ZNF682: variants seen among roughly 807,000 people sequenced by gnomAD.
ZNF682 encodes zinc finger protein 682.
ZNF682 carries 29 observed loss-of-function variants against 36.5 expected under a neutral mutation model. That is an observed-to-expected ratio of 0.80 (90% CI 0.59 to 1.08). The LOEUF (loss-of-function observed/expected upper bound fraction) is 1.08. Ranked by LOEUF, ZNF682 falls within the 50% of genes least tolerant of loss-of-function variation. The pLI, the probability that ZNF682 is intolerant of heterozygous loss-of-function variation, is 0.00. For missense variants in ZNF682, 561 were observed against 579.7 expected (o/e 0.97, Z 0.33); for synonymous variants, 180 against 197.0 (o/e 0.91, Z 0.72).
chr19:20,022,389 C>T (rs1171998434), intron 3 of ZNF682, among the ~76,000 whole-genome samples: 3 of 150,604 alleles, frequency 2.0e-5, no homozygotes, highest in Admixed American at 6.6e-5. Flanking sequence ...GTTTAAAGGC[C>T]GGGCATGGTG....
chr19:20,036,145 C>G (rs956292549), intron 1 of ZNF682, among the ~76,000 whole-genome samples: 1 of 152,188 alleles, frequency 6.6e-6, no homozygotes, highest in African/African-American at 2.4e-5. Context: ...AGAGCGTACT[C>G]TGAGCTGGTC....
chr19:20,012,473 T>C (rs1407989036), intron 3 of ZNF682, among the ~76,000 whole-genome samples: 1 of 152,012 alleles, frequency 6.6e-6, no homozygotes, highest in Non-Finnish European at 1.5e-5. Context: ...CAATCTATAA[T>C]AAATTTAAAT....
chr19:20,026,953 T>G (rs117737741), intron 1 of ZNF682, among the ~76,000 whole-genome samples: 1,790 of 152,236 alleles, frequency 0.012, 17 homozygotes, highest in South Asian at 0.032. Context: ...GGAAAAAAAG[T>G]ATCTAAAACA....
chr19:19,997,634 T>C (rs1371455643), intron 3 of ZNF682, among the ~76,000 whole-genome samples: 3 of 152,148 alleles, frequency 2.0e-5, no homozygotes, highest in Non-Finnish European at 2.9e-5. Context: ...AGAAAACAGT[T>C]TCCCTGGATG....
chr19:20,023,164 T>C, intron 2 of ZNF682, 65 bp from the exon 3 acceptor site: 1 of 1,410,468 alleles, frequency 7.1e-7, no homozygotes. Flanking sequence ...CCTAGTGTTG[T>C]GCTCTGTAGA....
chr19:20,006,313 A>C lies in ZNF682; in HGVS notation c.1189T>G (p.Tyr397Asp), dbSNP rs754593292. 32 of 1,613,524 alleles carry C rather than the reference A, an allele frequency of 2.0e-5. No individual in the cohort carries two copies. Among genetic ancestry groups the C allele is most frequent in the Non-Finnish European group, 2.5e-5 (30 of 1,180,016 alleles). ...HKRIHTGEKP[Y>D]KCEECGKAFN... ...GCTTTGCCACATTCTTCACATTTGT[A>C]GGGTTTCTCTCCAGTGTGAATTCTC... Residue 397 changes from tyrosine to aspartate, a missense_variant, in exon 4 of 4, where the codon TAC becomes GAC. By Grantham distance (160) the Tyr-to-Asp change is radical. Coordinates refer to ENST00000397165, the MANE Select transcript of ZNF682 (RefSeq NM_033196.3).
At chr19:20,012,298 T>C (rs1036877209) in intron 3 of ZNF682, among the ~76,000 whole-genome samples, 12 of 152,042 alleles carry the variant, frequency 7.9e-5, no homozygotes, top group South Asian at 2.1e-4. Flanking sequence ...AAAATAAATT[T>C]TTCTGAAAGA....
Position 19,997,251 on chromosome 19 carries a change from A to G in ZNF682, c.239T>C (p.Val80Ala), listed in dbSNP as rs539891325. 1.1e-4 allele frequency: 43 copies of G among 398,568 alleles called. No individual in the cohort carries two copies. The East Asian group carries it at 1.5e-3, about 14-fold the overall frequency. 24.7% of individuals were successfully genotyped at this position (398,568 alleles called of 1,614,324 possible). The stretch of plus-strand genomic sequence containing the variant: ...GACAGGACTGGGGTCCTACTGTCCA[A>G]CTCTGTAGGTACCTGAAATGGAAAT... The change falls in exon 4 of 4, where the codon GTT becomes GCT. Residue 80 changes from valine (V) to alanine (A), a missense_variant. Physicochemically the swap from Val to Ala is moderately conservative, Grantham distance 64 (BLOSUM62 0). Transcript: ENST00000596019.
In ZNF682 at chr19:20,029,544, C is replaced by T. The variant is rs748174986; in HGVS notation, c.4-5168G>A. On this transcript the variant is annotated intron_variant, in intron 1 of 3. Transcript: ENST00000397165. ...TGAACTTGGGAGGCAGAGGTTGCAG[C>T]GAGCAGAAATCATACCACTGCACTC... is the stretch of plus-strand genomic sequence containing the variant. 7.7e-4 allele frequency among the ~76,000 whole-genome samples: 113 copies of T among 147,046 alleles called. 1 individual carries two copies. Among genetic ancestry groups the T allele is most frequent in the Non-Finnish European group, 9.4e-4 (63 of 67,314 alleles).
intron 1 of ZNF682, among the ~76,000 whole-genome samples, chr19:20,035,830 G>T (rs1359410892): frequency 1.3e-5 from 2 of 151,728 alleles, no homozygotes; most frequent in Non-Finnish European, 2.9e-5. Context: ...CTGCCTCCCA[G>T]GTTCAGGCAA....
At chr19:19,996,958 C>T (rs1220295773), downstream of ZNF682, 2 of 340,080 alleles carry the variant, frequency 5.9e-6, no homozygotes, top group African/African-American at 4.2e-5. Context: ...ATTTTTGTCT[C>T]CATATTCTCA....
At chr19:20,039,206 G>T in intron 1 of ZNF682, 137 bp downstream of exon 1, 1 of 1,443,122 alleles carries the variant, frequency 6.9e-7, no homozygotes, top group South Asian at 1.4e-5. Flanking sequence ...ATCGACGGCC[G>T]AGCTGTGCCT....
In ZNF682 at chr19:20,039,103, G is replaced by T. The variant is rs2088560392; in HGVS notation, c.3+240C>A. The T allele has an allele frequency of 2.3e-5, 32 of 1,382,224 alleles. No individual in the cohort carries two copies. In the South Asian group the frequency reaches 4.7e-4, roughly 20 times the overall value. 85.6% of individuals were successfully genotyped at this position (1,382,224 alleles called of 1,614,324 possible). A position where few individuals can be genotyped will look rare whatever the true frequency, so the allele number is the denominator to read the frequency against. On this transcript the variant is annotated intron_variant, in intron 1 of 3. Coordinates refer to ENST00000397165, the MANE Select transcript of ZNF682 (RefSeq NM_033196.3). ...GCAAGAACGCGCGCGGCTCTTCCCA[G>T]GGTGGGCTCCGGGCGGGAAGCGGGA...
At chr19:20,027,063 G>A (rs533053711) in intron 1 of ZNF682, among the ~76,000 whole-genome samples, 3 of 152,228 alleles carry the variant, frequency 2.0e-5, no homozygotes, top group Non-Finnish European at 4.4e-5. Context: ...CCCTGAGCTG[G>A]GACACATTCA....
chr19:20,037,803 G>A (rs2088545907), intron 1 of ZNF682, among the ~76,000 whole-genome samples: 1 of 152,116 alleles, frequency 6.6e-6, no homozygotes, highest in Non-Finnish European at 1.5e-5. Context: ...CAAATTGCCT[G>A]GCCAGCACTG....
rs1209040762 is a variant in ZNF682, at chr19:20,039,497, G to C, written c.-152C>G. The C allele has an allele frequency of 9.5e-7, 1 of 1,048,624 alleles. No individual in the cohort carries two copies. Among genetic ancestry groups the C allele is most frequent in the Non-Finnish European group, 1.4e-6 (1 of 740,082 alleles). The allele number at this position is 1,048,624 out of a possible 1,614,324, so 65.0% of individuals were successfully genotyped here. A position where few individuals can be genotyped will look rare whatever the true frequency, so the allele number is the denominator to read the frequency against. On this transcript the variant is annotated 5_prime_UTR_variant, in exon 1 of 4. Coordinates refer to ENST00000397165, the MANE Select transcript of ZNF682 (RefSeq NM_033196.3). ...GGACCCTGAGCTCTGGCTGGAGCGAGACAAAGGCCCCGCCAGCTCCAGGAC... is the reference window on the plus strand; with the variant it reads ...GGACCCTGAGCTCTGGCTGGAGCGACACAAAGGCCCCGCCAGCTCCAGGAC...
At chr19:20,029,258 G>A (rs778711825) in intron 1 of ZNF682, among the ~76,000 whole-genome samples, 8 of 151,756 alleles carry the variant, frequency 5.3e-5, no homozygotes, top group Non-Finnish European at 8.8e-5. Context: ...TGGGATTACA[G>A]ACGTGAGTCA....
chr19:20,015,076 G>T, intron 3 of ZNF682: 1 of 495,272 alleles, frequency 2.0e-6, no homozygotes, highest in Non-Finnish European at 2.6e-6. Context: ...CTGTGTAACT[G>T]AAAATATTTA....
intron 3 of ZNF682, among the ~76,000 whole-genome samples, chr19:20,012,534 G>T (rs933428558): frequency 1.3e-5 from 2 of 152,076 alleles, no homozygotes; most frequent in Admixed American, 6.5e-5. Context: ...TTGGGAGGCC[G>T]AGGCGGGTGG....
Sources: allele counts gnomAD v4.1 joint callset (sites outside exome capture counted in the v4.1 genomes callset), GRCh38; gene constraint gnomAD v4.1.1; transcripts MANE v1.5; gene names NCBI Gene and HGNC (gene_info 2026-07-23, HGNC 2026-07-21).